Variants in KPNA3 observed in about 807,000 individuals in gnomAD.
KPNA3 encodes the protein karyopherin subunit alpha 3.
In KPNA3, 13 loss-of-function variants were observed where a neutral mutation model predicts 73.8. That is an observed-to-expected ratio of 0.18 (90% CI 0.11 to 0.28). The LOEUF (loss-of-function observed/expected upper bound fraction) is 0.28, where lower values mean the gene tolerates loss of function less well. KPNA3 is among the 10% of genes least tolerant of loss of function. The probability of loss-of-function intolerance (pLI) is 1.00; values close to 1 mark genes in which losing one functional copy is unlikely to be tolerated. For missense variants in KPNA3, 360 were observed against 618.1 expected, an observed-to-expected ratio of 0.58 and a Z score of 4.43; for synonymous variants, 186 against 206.9, an observed-to-expected ratio of 0.90 and a Z score of 0.87.
At chr13:49,790,875 A>C (rs1490175598) in intron 1 of KPNA3, among the ~76,000 whole-genome samples, 1 of 152,248 alleles carries the variant, frequency 6.6e-6, no homozygotes, top group Non-Finnish European at 1.5e-5. Context: ...GTATTTTTCA[A>C]TAAATTTTTA....
intron 12 of KPNA3, among the ~76,000 whole-genome samples, chr13:49,706,664 A>C (rs1415601791): frequency 6.6e-6 from 1 of 152,240 alleles, no homozygotes; most frequent in Non-Finnish European, 1.5e-5. Flanking sequence ...TGAACAAAAC[A>C]GAAATCTTTA....
intron 6 of KPNA3, among the ~76,000 whole-genome samples, chr13:49,727,394 G>C (rs957576891): frequency 1.3e-5 from 2 of 150,004 alleles, no homozygotes; most frequent in African/African-American, 4.9e-5. Flanking sequence ...GTTGTGGTGA[G>C]CTGAGATTGC....
chr13:49,705,397 A>C (rs1328949382), intron 15 of KPNA3, among the ~76,000 whole-genome samples: 1 of 152,048 alleles, frequency 6.6e-6, no homozygotes, highest in Non-Finnish European at 1.5e-5. Context: ...AATCTCTAGA[A>C]GGCTATACAG....
At chr13:49,727,447 CAAAAAAA>C (rs1242720259) in intron 6 of KPNA3, among the ~76,000 whole-genome samples, 3 of 50,102 alleles carry the variant, frequency 6.0e-5, no homozygotes, top group South Asian at 1.3e-3. Context: ...GATTCCATCT[CAAAAAAA>C]AAAAAAAAAG....
At chr13:49,778,579 G>A (rs1451503738) in intron 1 of KPNA3, among the ~76,000 whole-genome samples, 1 of 152,178 alleles carries the variant, frequency 6.6e-6, no homozygotes, top group East Asian at 1.9e-4. Context: ...CCACATGGGA[G>A]TTCAATATAT....
At chr13:49,761,008 G>T (rs996193266) in intron 1 of KPNA3, among the ~76,000 whole-genome samples, 3 of 152,028 alleles carry the variant, frequency 2.0e-5, no homozygotes, top group Admixed American at 6.5e-5. Flanking sequence ...TTTTTAAAAA[G>T]AATTCCTATA....
intron 2 of KPNA3, among the ~76,000 whole-genome samples, chr13:49,737,920 T>C (rs1954539269): frequency 6.6e-6 from 1 of 152,224 alleles, no homozygotes; most frequent in African/African-American, 2.4e-5. Flanking sequence ...ATTTTTAATT[T>C]AATCAGGTCC....
chr13:49,732,943 A>G lies in KPNA3; in HGVS notation c.204+14T>C, dbSNP rs1954483711. 1 of 1,548,520 alleles carries G rather than the reference A, an allele frequency of 6.5e-7. No individual in the cohort carries two copies. Among genetic ancestry groups the G allele is most frequent in the African/African-American group, 1.4e-5 (1 of 72,868 alleles). ...AAATTATTTTAAAATCACTATTAAA[A>G]CATGGTAACTTACTGCTTTAAAATC... On this transcript the variant is annotated intron_variant, in intron 3 of 16. Transcript: ENST00000261667.
chr13:49,784,286 T>C (rs1380617841), intron 1 of KPNA3, among the ~76,000 whole-genome samples: 1 of 151,666 alleles, frequency 6.6e-6, no homozygotes, highest in African/African-American at 2.4e-5. Flanking sequence ...TGAAGGGTGG[T>C]AAAAAAACAA....
At chr13:49,753,329 T>G (rs1011147538) in intron 1 of KPNA3, among the ~76,000 whole-genome samples, 3 of 152,114 alleles carry the variant, frequency 2.0e-5, no homozygotes, top group African/African-American at 7.2e-5. Context: ...ATCTGGACAT[T>G]AGGCAAAAAA....
chr13:49,744,793 AG>A (rs1199983278), intron 2 of KPNA3, among the ~76,000 whole-genome samples: 1 of 152,202 alleles, frequency 6.6e-6, no homozygotes, highest in African/African-American at 2.4e-5. Flanking sequence ...GGGCGGGGAA[AG>A]GGTACAGGAG....
chr13:49,711,444 C>T (rs552321705), intron 10 of KPNA3, among the ~76,000 whole-genome samples: 1 of 152,334 alleles, frequency 6.6e-6, no homozygotes, highest in East Asian at 1.9e-4. Context: ...ATTTACTCTA[C>T]TGGTTTTCCA....
intron 1 of KPNA3, among the ~76,000 whole-genome samples, chr13:49,775,162 C>CAAAAAAAAAAAAAAAAAAAAA (rs60494803): frequency 2.1e-5 from 2 of 93,062 alleles, no homozygotes; most frequent in Non-Finnish European, 4.0e-5. Flanking sequence ...GACTCTGTCT[C>CAAAAAAAAAAAAAAAAAAAAA]AAAAAAAAAA....
At chr13:49,777,929 A>C (rs1465103684) in intron 1 of KPNA3, among the ~76,000 whole-genome samples, 6 of 152,170 alleles carry the variant, frequency 3.9e-5, no homozygotes, top group Admixed American at 6.5e-5. Context: ...TAACCACATC[A>C]ACCTGCTTAG....
intron 1 of KPNA3, among the ~76,000 whole-genome samples, chr13:49,778,646 T>C (rs1216484581): frequency 6.6e-6 from 1 of 152,230 alleles, no homozygotes; most frequent in Non-Finnish European, 1.5e-5. Context: ...CTTTTGTTTT[T>C]TTGTTGTTGT....
At position 49,733,002 on chromosome 13, in the gene KPNA3, T is replaced by G. The variant is rs148322253; in HGVS notation, c.159A>C (p.Gln53His). The G allele has an allele frequency of 6.2e-7, 1 of 1,611,922 alleles. No individual in the cohort carries two copies. The highest frequency in any genetic ancestry group is 8.5e-7 in the Non-Finnish European group (1 of 1,178,382). Reference sequence around the variant, plus strand: ...CATCTGAATCTTCTAGACTTTCTTCTTGGGGAACATTTCTCTTTTTCAATA... The same window carrying G: ...CATCTGAATCTTCTAGACTTTCTTCGTGGGGAACATTTCTCTTTTTCAATA... ...EHLLKKRNVP[Q>H]EESLEDSDVD... Residue 53 changes from glutamine to histidine, a missense_variant, in exon 3 of 17, where the codon CAA (glutamine) becomes CAC (histidine). Physicochemically the swap from Gln to His is conservative, Grantham distance 24. Around this residue, in one of 3 missense-constraint regions of KPNA3, gnomAD observed 287 missense variants for 549.1 expected, o/e 0.52. Transcript: ENST00000261667.
chr13:49,750,191 C>T (rs1954650358), intron 1 of KPNA3, among the ~76,000 whole-genome samples: 1 of 152,188 alleles, frequency 6.6e-6, no homozygotes, highest in South Asian at 2.1e-4. Flanking sequence ...CAAACTATAA[C>T]CTGTGTATCA....
rs527502348 is a variant in KPNA3 at position 49,716,840 on chromosome 13, G to A, written c.771+2935C>T. 1.1e-3 allele frequency among the ~76,000 whole-genome samples: 174 copies of A among 152,118 alleles called. 1 individual carries two copies. The highest frequency in any genetic ancestry group is 1.8e-3 in the African/African-American group (76 of 41,508). On this transcript the variant is annotated intron_variant, in intron 10 of 16. Transcript: ENST00000261667. ...AAGTTACATTTTTAGCCCTCCTTCC[G>A]AAATACAGCCTCCTCCAGGTGATCT...
At chr13:49,749,622 T>C (rs530450790) in intron 1 of KPNA3, among the ~76,000 whole-genome samples, 4 of 152,296 alleles carry the variant, frequency 2.6e-5, no homozygotes, top group Non-Finnish European at 5.9e-5. Flanking sequence ...TAATCTCCAG[T>C]CTAAAAGTAC....
Sources: allele counts gnomAD v4.1 joint callset (sites outside exome capture counted in the v4.1 genomes callset), GRCh38; gene constraint gnomAD v4.1.1; regional missense constraint gnomAD v4.1.1; transcripts MANE v1.5; gene names NCBI Gene and HGNC (gene_info 2026-07-23, HGNC 2026-07-21).